IKZF3: variants seen among roughly 807,000 people sequenced by gnomAD.
IKZF3 encodes zinc finger protein Aiolos.
Under a neutral mutation model 49.0 loss-of-function variants are expected in IKZF3, and 10 were observed. The ratio of observed to expected loss-of-function variants is 0.20; its 90% CI spans 0.13 to 0.35. IKZF3 has a LOEUF of 0.35. IKZF3 is among the 10% of genes least tolerant of loss of function. IKZF3 has a pLI of 1.00. For missense variants in IKZF3, 498 were observed against 664.8 expected (o/e 0.75, Z 2.76); for synonymous variants, 209 against 228.2 (o/e 0.92, Z 0.76).
At chr17:39,823,513 G>A (rs533186822) in intron 3 of IKZF3, among the ~76,000 whole-genome samples, 4 of 152,120 alleles carry the variant, frequency 2.6e-5, no homozygotes, top group Non-Finnish European at 5.9e-5. Context: ...AAGACAATGG[G>A]GAAAATGGCT....
chr17:39,784,462 G>A (rs560326528), intron 6 of IKZF3, among the ~76,000 whole-genome samples: 27 of 151,392 alleles, frequency 1.8e-4, no homozygotes, highest in East Asian at 3.9e-4. Flanking sequence ...AGAGTACAGC[G>A]GCATGATCTC....
intron 1 of IKZF3, among the ~76,000 whole-genome samples, chr17:39,840,734 G>A (rs574774216): frequency 2.0e-5 from 3 of 152,260 alleles, no homozygotes; most frequent in Admixed American, 6.5e-5. Context: ...TTAAAAATAC[G>A]CAAAGGAGCA....
Position 39,791,464 on chromosome 17 carries a change from C to A in IKZF3, c.544G>T (p.Ala182Ser). Reference protein sequence around the residue: ...KPFKCHLCNYACQRRDALTGH... With the variant: ...KPFKCHLCNYSCQRRDALTGH... ...GTGAGCGCATCTCTTCTTTGGCATGCATAGTTGCAGAGGTGACACTTAAAA... is the reference window on the plus strand; with the variant it reads ...GTGAGCGCATCTCTTCTTTGGCATGAATAGTTGCAGAGGTGACACTTAAAA... The change falls in exon 5 of 8, where the codon GCA becomes TCA. Residue 182 changes from alanine to serine, a missense_variant. By Grantham distance (99) the Ala-to-Ser change is moderately conservative (BLOSUM62 1). Around this residue, in one of 3 missense-constraint regions of IKZF3, gnomAD observed 84 missense variants for 168.6 expected, o/e 0.50. Coordinates refer to ENST00000346872, the MANE Select transcript of IKZF3 (RefSeq NM_012481.5). 6.2e-7 allele frequency: 1 copy of A among 1,613,986 alleles called. No homozygotes were observed. The highest frequency in any genetic ancestry group is 1.1e-5 in the South Asian group (1 of 91,058).
chr17:39,807,126 G>A (rs2061446754), intron 3 of IKZF3, among the ~76,000 whole-genome samples: 1 of 152,124 alleles, frequency 6.6e-6, no homozygotes, highest in South Asian at 2.1e-4. Context: ...TGCTGTGCCT[G>A]TATTCCTGAG....
intron 3 of IKZF3, among the ~76,000 whole-genome samples, chr17:39,818,662 C>T (rs948600725): frequency 8.6e-5 from 13 of 152,018 alleles, no homozygotes; most frequent in East Asian, 1.9e-4. Flanking sequence ...CCAGTCTGGC[C>T]ATCTAGTAGA....
In IKZF3 at chr17:39,835,677, G is replaced by T. The variant is rs79391889; in HGVS notation, c.8-3526C>A. 724 of 453,800 alleles carry T rather than the reference G, an allele frequency of 1.6e-3. 6 individuals are homozygous for T. Among genetic ancestry groups the T allele is most frequent in the African/African-American group, 0.013 (652 of 49,584 alleles). The allele number at this position is 453,800 out of a possible 1,614,324, so 28.1% of individuals were successfully genotyped here. A position where few individuals can be genotyped will look rare whatever the true frequency, so the allele number is the denominator to read the frequency against. ...GCTGTTATGCGTGGACAGCCCCACAGATGTGTCCAAGATCTGGGACTGGAG... is the reference window on the plus strand; with the variant it reads ...GCTGTTATGCGTGGACAGCCCCACATATGTGTCCAAGATCTGGGACTGGAG... On this transcript the variant is annotated intron_variant, in intron 1 of 7. Transcript: ENST00000346872.
intron 3 of IKZF3, among the ~76,000 whole-genome samples, chr17:39,828,300 G>C (rs995767793): frequency 1.3e-5 from 2 of 152,170 alleles, no homozygotes; most frequent in Non-Finnish European, 2.9e-5. Flanking sequence ...CACTAGTTCC[G>C]TACCTGTGTA....
At chr17:39,814,040 T>C (rs905107695) in intron 3 of IKZF3, among the ~76,000 whole-genome samples, 1 of 152,148 alleles carries the variant, frequency 6.6e-6, no homozygotes, top group Non-Finnish European at 1.5e-5. Context: ...TAATTTTTTT[T>C]CCCCTTTCAG....
chr17:39,776,079 T>C (rs2143696913), intron 7 of IKZF3, among the ~76,000 whole-genome samples: 1 of 152,258 alleles, frequency 6.6e-6, no homozygotes, highest in Non-Finnish European at 1.5e-5. Context: ...GAGGAGACTC[T>C]ATCTCTACAA....
At chr17:39,847,112 T>C (rs555111628) in intron 1 of IKZF3, among the ~76,000 whole-genome samples, 2 of 152,340 alleles carry the variant, frequency 1.3e-5, no homozygotes, top group South Asian at 4.1e-4. Flanking sequence ...GCACTGATTA[T>C]AAGAATGTTT....
At chr17:39,789,479 C>T (rs183561619) in intron 5 of IKZF3, among the ~76,000 whole-genome samples, 2 of 152,280 alleles carry the variant, frequency 1.3e-5, no homozygotes, top group Admixed American at 1.3e-4. Flanking sequence ...AGAAGAATCG[C>T]TTGAACCTGG....
At chr17:39,812,257 T>A (rs955902059) in intron 3 of IKZF3, among the ~76,000 whole-genome samples, 8 of 152,184 alleles carry the variant, frequency 5.3e-5, no homozygotes, top group African/African-American at 1.9e-4. Context: ...ACTATTCTCT[T>A]TCATGCAAAC....
intron 1 of IKZF3, among the ~76,000 whole-genome samples, chr17:39,851,035 G>A (rs896184672): frequency 7.6e-5 from 11 of 144,364 alleles, no homozygotes; most frequent in East Asian, 2.0e-4. Context: ...TTATATACAC[G>A]TATATATTAT....
rs184066116 is a variant in IKZF3, at chr17:39,817,094, C to T, written c.163+12293G>A. ...TTACTCTAGTTGGGTAAAGCCTTTT[C>T]CCCTAGAAATTAGTCTGTCTTTCCG... is the stretch of plus-strand genomic sequence containing the variant. On this transcript the variant is annotated intron_variant, in intron 3 of 7. Coordinates refer to ENST00000346872, the MANE Select transcript of IKZF3 (RefSeq NM_012481.5). Among the ~76,000 whole-genome samples, 10 of 152,244 alleles carry T rather than the reference C, an allele frequency of 6.6e-5. 1 individual carries two copies. In the East Asian group the frequency reaches 1.7e-3, roughly 26 times the overall value.
At chr17:39,854,807 G>A (rs576282064) in intron 1 of IKZF3, among the ~76,000 whole-genome samples, 2 of 152,196 alleles carry the variant, frequency 1.3e-5, no homozygotes, top group African/African-American at 4.8e-5. Flanking sequence ...GGAAAGCAAT[G>A]CCTGAACAGG....
intron 3 of IKZF3, among the ~76,000 whole-genome samples, chr17:39,801,379 C>T (rs34988504): frequency 0.092 from 13,930 of 151,576 alleles, 1,316 homozygotes; most frequent in African/African-American, 0.25. Flanking sequence ...TTTTCTAGCA[C>T]GCCATTTTCT....
intron 6 of IKZF3, among the ~76,000 whole-genome samples, chr17:39,781,501 A>C (rs1015304400): frequency 2.6e-5 from 4 of 152,176 alleles, no homozygotes; most frequent in African/African-American, 9.7e-5. Flanking sequence ...TGCCCATTTT[A>C]CCATTGTTCT....
At chr17:39,798,021 C>A (rs1317742320) in intron 3 of IKZF3, among the ~76,000 whole-genome samples, 1 of 152,024 alleles carries the variant, frequency 6.6e-6, no homozygotes, top group Non-Finnish European at 1.5e-5. Context: ...TCCTTAGAGT[C>A]ATCTTTCCTT....
At chr17:39,820,216 C>T (rs9303277) in intron 3 of IKZF3, among the ~76,000 whole-genome samples, 78,371 of 151,980 alleles carry the variant, frequency 0.52, 20,565 homozygotes, top group African/African-American at 0.6. Context: ...TGAATTAAAA[C>T]AGGGCTGTGT....
Sources: gnomAD v4.1 joint callset for allele counts (sites outside exome capture counted in the v4.1 genomes callset) on GRCh38, gnomAD v4.1.1 for gene constraint, gnomAD v4.1.1 regional missense constraint, MANE v1.5 for transcripts, NCBI Gene and HGNC (gene_info 2026-07-23, HGNC 2026-07-21) for gene names.